Variants in FRYL observed in about 807,000 individuals in gnomAD.
FRYL encodes the protein FRY like transcription coactivator, also known as protein furry homolog-like.
Under a neutral mutation model 351.2 loss-of-function variants are expected in FRYL, and 150 were observed. The observed-to-expected ratio is 0.43, with a 90% CI of 0.37 to 0.49. The LOEUF (loss-of-function observed/expected upper bound fraction) is 0.49, where lower values mean the gene tolerates loss of function less well. Ranked by LOEUF, FRYL falls within the 20% of genes least tolerant of loss-of-function variation. The pLI, the probability that FRYL is intolerant of heterozygous loss-of-function variation, is 0.00. For missense variants in FRYL, 3,036 were observed against 3,619.3 expected, an observed-to-expected ratio of 0.84 and a Z score of 4.13; for synonymous variants, 1,153 against 1,257.1, an observed-to-expected ratio of 0.92 and a Z score of 1.75.
chr4:48,641,191 A>G (rs564339589), intron 3 of FRYL, among the ~76,000 whole-genome samples: 97 of 152,268 alleles, frequency 6.4e-4, no homozygotes, highest in Non-Finnish European at 1.2e-3. Flanking sequence ...AAAAGGAAAT[A>G]TAAGTAATGT....
rs1339031462 is a variant in FRYL at position 48,591,677 on chromosome 4, A to G, written c.1336-847T>C. On this transcript the variant is annotated intron_variant, in intron 16 of 63. Transcript: ENST00000358350. ...ATTAAATGTTAGACTGCTTCAAGGCAACGTTCTCCTGGGCTGCCTTCTCCT... is the reference window on the plus strand; with the variant it reads ...ATTAAATGTTAGACTGCTTCAAGGCGACGTTCTCCTGGGCTGCCTTCTCCT... Among the ~76,000 whole-genome samples, 4 of 152,132 alleles carry G rather than the reference A, an allele frequency of 2.6e-5. No homozygotes were observed. In the East Asian group the frequency reaches 7.7e-4, roughly 29 times the overall value.
intron 1 of FRYL, among the ~76,000 whole-genome samples, chr4:48,768,508 CA>C (rs34733071): frequency 6.6e-6 from 1 of 152,226 alleles, no homozygotes; most frequent in Non-Finnish European, 1.5e-5. Flanking sequence ...AGACTTGACA[CA>C]AAAAGTACAA....
In FRYL at chr4:48,576,109, G is replaced by A; in HGVS notation, c.2642C>T (p.Thr881Ile). Residue 881 changes from threonine (T) to isoleucine (I), a missense_variant, in exon 24 of 64, where the codon ACA becomes ATA. Transcript: ENST00000358350. ...CCSAATSSSS[T>I]SAGSVRCSPP... ...AGAACATCTCACAGAACCTGCAGAT[G>A]TGGAAGATGACGATGTTGCTGCACT... The A allele has an allele frequency of 6.2e-7, 1 of 1,614,044 alleles. No homozygotes were observed. The highest frequency in any genetic ancestry group is 8.5e-7 in the Non-Finnish European group (1 of 1,179,966).
chr4:48,715,250 A>G (rs1194307066), intron 1 of FRYL, among the ~76,000 whole-genome samples: 1 of 151,542 alleles, frequency 6.6e-6, no homozygotes, highest in East Asian at 1.9e-4. Flanking sequence ...CCTATTCAAC[A>G]TAGTGTTGGA....
intron 2 of FRYL, among the ~76,000 whole-genome samples, chr4:48,695,611 T>C (rs186424360): frequency 7.9e-5 from 12 of 152,216 alleles, no homozygotes; most frequent in Admixed American, 7.2e-4. Context: ...AATTATGATA[T>C]AGGCATGAGC....
chr4:48,549,552 A>T lies in FRYL; in HGVS notation c.4705T>A (p.Phe1569Ile). 6.2e-7 allele frequency: 1 copy of T among 1,613,426 alleles called. No homozygotes were observed. The highest frequency in any genetic ancestry group is 8.5e-7 in the Non-Finnish European group (1 of 1,179,636). The change falls in exon 39 of 64, where the codon TTC becomes ATC. Residue 1569 changes from phenylalanine to isoleucine, a missense_variant. Phe to Ile is a conservative substitution (Grantham distance 21). This residue lies in a region of FRYL where 1,987 missense variants were observed against 2,311.7 expected (regional missense o/e 0.86). Coordinates refer to ENST00000358350, the MANE Select transcript of FRYL (RefSeq NM_015030.2). This position sits in a 1 kb window ranked among gnomAD's most constrained non-coding sequence, Gnocchi z 4.2. ...GACCAGCAGCCTCCAGCTGGTGGGA[A>T]GGGCAGTGGCTCTCCTTGGTTATGC... ...MEHNQGEPLP[F>I]PPAGGCWSPL...
chr4:48,711,489 C>G (rs1392842586), intron 1 of FRYL, among the ~76,000 whole-genome samples: 1 of 152,248 alleles, frequency 6.6e-6, no homozygotes, highest in Non-Finnish European at 1.5e-5. Context: ...GATCAAACTG[C>G]AAGGTGGCAG....
At chr4:48,532,352 C>A (rs1365492574) in intron 49 of FRYL, among the ~76,000 whole-genome samples, 1 of 152,134 alleles carries the variant, frequency 6.6e-6, no homozygotes, top group African/African-American at 2.4e-5. Flanking sequence ...ATTTTAAGAA[C>A]AGCACTGTAA....
Position 48,578,955 on chromosome 4 carries a change from A to T in FRYL, c.2528+18T>A. On this transcript the variant is annotated intron_variant, in intron 23 of 63. Transcript: ENST00000358350. ...ACAGTCTATACATTTTTAAATTTAC[A>T]CTAGGAAAATAACTTACTTTATATC... 6.4e-7 allele frequency: 1 copy of T among 1,557,432 alleles called. No individual in the cohort carries two copies. The highest frequency in any genetic ancestry group is 8.6e-7 in the Non-Finnish European group (1 of 1,156,764).
chr4:48,586,618 T>C lies in FRYL; in HGVS notation c.1748+3A>G. ...AATATAGCAAACAGTAATTCTCATT[T>C]ACCTTGCTAACAATTCAATCAGGTC... On this transcript the variant is annotated splice_donor_region_variant and intron_variant, in intron 19 of 63. Transcript: ENST00000358350. 6.3e-7 allele frequency: 1 copy of C among 1,587,688 alleles called. No homozygotes were observed. Among genetic ancestry groups the C allele is most frequent in the South Asian group, 1.1e-5 (1 of 90,424 alleles).
intron 1 of FRYL, among the ~76,000 whole-genome samples, chr4:48,758,731 G>T (rs1488925479): frequency 6.6e-6 from 1 of 152,166 alleles, no homozygotes; most frequent in Non-Finnish European, 1.5e-5. Context: ...CCATTACTGG[G>T]TATATACCCA....
intron 11 of FRYL, among the ~76,000 whole-genome samples, chr4:48,603,967 G>A (rs1746210333): frequency 6.6e-6 from 1 of 152,064 alleles, no homozygotes; most frequent in African/African-American, 2.4e-5. Context: ...TCGATGTGGT[G>A]GTCTTCCCTA....
intron 3 of FRYL, among the ~76,000 whole-genome samples, chr4:48,671,029 T>C (rs1762571223): frequency 1.3e-5 from 2 of 152,210 alleles, no homozygotes; most frequent in African/African-American, 4.8e-5. Context: ...CTCCGTACAG[T>C]TCTCCATAGT....
intron 7 of FRYL, chr4:48,619,011 T>C (rs1750122694): frequency 9.1e-6 from 3 of 329,366 alleles, no homozygotes; most frequent in South Asian, 8.2e-5. Context: ...TAAAGGTCAA[T>C]ATTAACACAA....
intron 47 of FRYL, among the ~76,000 whole-genome samples, chr4:48,537,649 GA>G (rs1729189169): frequency 6.6e-6 from 1 of 152,166 alleles, no homozygotes; most frequent in South Asian, 2.1e-4. Flanking sequence ...CCAACAGGAA[GA>G]AAACAGACTT....
At chr4:48,521,323 G>T (rs1724847092) in intron 54 of FRYL, 108 bp from the exon 55 acceptor site, 1 of 761,638 alleles carries the variant, frequency 1.3e-6, no homozygotes, top group Non-Finnish European at 2.0e-6. Context: ...GAGCTTCTGA[G>T]ATTTCCTAAA....
At chr4:48,673,363 C>T (rs1411983673) in intron 3 of FRYL, among the ~76,000 whole-genome samples, 2 of 151,782 alleles carry the variant, frequency 1.3e-5, no homozygotes, top group East Asian at 3.9e-4. Context: ...AATAATAAAA[C>T]TTGATAGATA....
intron 7 of FRYL, among the ~76,000 whole-genome samples, chr4:48,614,288 T>G (rs1007751365): frequency 1.1e-4 from 16 of 152,138 alleles, no homozygotes; most frequent in Admixed American, 9.8e-4. Context: ...AGAATCTCAT[T>G]TCGGGTCACA....
At chr4:48,742,750 AT>A (rs1315331653) in intron 1 of FRYL, among the ~76,000 whole-genome samples, 1 of 152,032 alleles carries the variant, frequency 6.6e-6, no homozygotes, top group Non-Finnish European at 1.5e-5. Context: ...GTTTACAGAA[AT>A]TTCAATTTGC....
Sources: gnomAD v4.1 joint callset for allele counts (sites outside exome capture counted in the v4.1 genomes callset) on GRCh38, gnomAD v4.1.1 for gene constraint, gnomAD v4.1.1 regional missense constraint, Gnocchi (gnomAD v3.1) non-coding constraint, MANE v1.5 for transcripts, NCBI Gene and HGNC (gene_info 2026-07-23, HGNC 2026-07-21) for gene names.